Variants in ODR4 observed in about 807,000 individuals in gnomAD.
The protein encoded by ODR4 is odr-4 GPCR localization factor homolog.
Under a neutral mutation model 60.2 loss-of-function variants are expected in ODR4, and 47 were observed. That is an observed-to-expected ratio of 0.78 (90% CI 0.62 to 1.00). ODR4 has a LOEUF of 1.00. ODR4 is among the 50% of genes least tolerant of loss of function. The pLI, the probability that ODR4 is intolerant of heterozygous loss-of-function variation, is 0.00. For missense variants in ODR4, 488 were observed against 530.8 expected, an observed-to-expected ratio of 0.92 and a Z score of 0.79; for synonymous variants, 178 against 175.5, an observed-to-expected ratio of 1.01 and a Z score of -0.11.
chr1:186,378,180 T>G (rs1489568031), intron 1 of ODR4, among the ~76,000 whole-genome samples: 1 of 152,226 alleles, frequency 6.6e-6, no homozygotes, highest in Non-Finnish European at 1.5e-5. Context: ...GGCTTTAGTT[T>G]TAAAATGCAA....
In ODR4 at chr1:186,396,937, C is replaced by T. The variant is rs939252481; in HGVS notation, c.781-1376C>T. Among the ~76,000 whole-genome samples the T allele has an allele frequency of 9.2e-5, 14 of 152,012 alleles. No homozygotes were observed. The East Asian group carries it at 2.7e-3, about 29-fold the overall frequency. On this transcript the variant is annotated intron_variant, in intron 9 of 13. Transcript: ENST00000287859. ...GGAAGCCTGTTACTCCTCCTCCAAC[C>T]CCACCTTATTGATGTATCAATGAAC...
At chr1:186,413,782 C>T (rs1293169155) in intron 12 of ODR4, among the ~76,000 whole-genome samples, 1 of 152,140 alleles carries the variant, frequency 6.6e-6, no homozygotes, top group Non-Finnish European at 1.5e-5. Flanking sequence ...ATAGGAAGAA[C>T]ACAGGCTACT....
intron 12 of ODR4, among the ~76,000 whole-genome samples, chr1:186,411,001 G>A (rs538401546): frequency 6.7e-6 from 1 of 150,310 alleles, no homozygotes; most frequent in South Asian, 2.1e-4. Flanking sequence ...GGCAACAAGA[G>A]CAAAACTCTG....
intron 8 of ODR4, among the ~76,000 whole-genome samples, 171 bp from the exon 9 acceptor site, chr1:186,393,776 T>C (rs1246514464): frequency 6.6e-6 from 1 of 152,218 alleles, no homozygotes; most frequent in Non-Finnish European, 1.5e-5. Context: ...TTTTAAAGAG[T>C]GTACATTGAT....
At chr1:186,416,941 CTA>C (rs1050460233) in intron 12 of ODR4, among the ~76,000 whole-genome samples, 96 of 150,800 alleles carry the variant, frequency 6.4e-4, no homozygotes, top group African/African-American at 2.2e-3. Context: ...ATCTCTACTA[CTA>C]TATAGTAAAC....
intron 4 of ODR4, 92 bp downstream of exon 4, chr1:186,386,175 C>T (rs2102025792): frequency 1.5e-6 from 1 of 648,272 alleles, no homozygotes; most frequent in Admixed American, 4.1e-5. Flanking sequence ...GGCATATTTA[C>T]ATTTGTTTTC....
At chr1:186,391,568 A>G in intron 7 of ODR4, 128 bp from the exon 8 acceptor site, 1 of 651,978 alleles carries the variant, frequency 1.5e-6, no homozygotes, top group Non-Finnish European at 2.7e-6. Context: ...AACTAGATTT[A>G]AATGCTGCAG....
rs1261356919 is a variant in ODR4 at position 186,379,801 on chromosome 1, A to G, written c.16A>G (p.Ile6Val). 5 of 1,591,546 alleles carry G rather than the reference A, an allele frequency of 3.1e-6. No individual in the cohort carries two copies. In the East Asian group the frequency reaches 6.8e-5, roughly 21 times the overall value. MGRTYIVEETVGQYLS... is the reference protein window; with the variant it reads MGRTYVVEETVGQYLS... ...GTTCCTAAAAATGGGAAGAACCTACATTGTAGAAGAGACTGTTGGCCAGTA... is the reference window on the plus strand; with the variant it reads ...GTTCCTAAAAATGGGAAGAACCTACGTTGTAGAAGAGACTGTTGGCCAGTA... The change falls in exon 2 of 14, where the codon ATT becomes GTT. Residue 6 changes from isoleucine to valine, a missense_variant. Coordinates refer to ENST00000287859, the MANE Select transcript of ODR4 (RefSeq NM_017847.6).
At position 186,417,458 on chromosome 1, in the gene ODR4, A is replaced by G. The variant is rs61538055; in HGVS notation, c.1187-86A>G. On this transcript the variant is annotated intron_variant, in intron 12 of 13. Transcript: ENST00000287859. The stretch of plus-strand genomic sequence containing the variant: ...GTAGAAAGAAAATGGTGATGATCGT[A>G]TAGTTTTTTATAATGTTCTTTAAAG... 1,343 of 743,204 alleles carry G rather than the reference A, an allele frequency of 1.8e-3. 19 individuals are homozygous for G. The African/African-American group carries it at 0.022, about 12-fold the overall frequency. The allele number at this position is 743,204 out of a possible 1,614,324, so 46.0% of individuals were successfully genotyped here.
intron 5 of ODR4, among the ~76,000 whole-genome samples, chr1:186,389,255 CAG>C (rs2102032179): frequency 6.6e-6 from 1 of 151,682 alleles, no homozygotes; most frequent in African/African-American, 2.4e-5. Context: ...TCATATAAAA[CAG>C]TGGTACTTTT....
chr1:186,379,835 A>G lies in ODR4; in HGVS notation c.50A>G (p.Asn17Ser), dbSNP rs1261681912. 6.2e-7 allele frequency: 1 copy of G among 1,609,614 alleles called. No homozygotes were observed. Among genetic ancestry groups the G allele is most frequent in the African/African-American group, 1.3e-5 (1 of 74,634 alleles). ...GAGACTGTTGGCCAGTATCTTTCAA[A>G]CATAAATCTCCAAGGAAAGGCTTTT... ...VEETVGQYLS[N>S]INLQGKAFVS... is the part of the protein sequence containing the mutation. The change falls in exon 2 of 14, where the codon AAC (asparagine) becomes AGC (serine). Residue 17 changes from asparagine to serine, a missense_variant. By Grantham distance (46) the Asn-to-Ser change is conservative. Coordinates refer to ENST00000287859, the MANE Select transcript of ODR4 (RefSeq NM_017847.6).
intron 6 of ODR4, among the ~76,000 whole-genome samples, chr1:186,390,152 C>G (rs1660407954): frequency 6.6e-6 from 1 of 152,038 alleles, no homozygotes; most frequent in Non-Finnish European, 1.5e-5. Context: ...CTCCTCCTAC[C>G]TTGTTTGTGT....
rs1553237006 is a variant in ODR4, at chr1:186,402,226, C to CTTTCTTTCTT, written c.1000+3190_1000+3191insTTTTTCTTTC. On this transcript the variant is annotated intron_variant, in intron 11 of 13. Transcript: ENST00000287859. Reference sequence around the variant, plus strand: ...TCTTTCTTTCTTTCTTTCTTTCTTTCTTTCTTTCCTTTCTTTCTTTCTCTT... The same window carrying CTTTCTTTCTT: ...TCTTTCTTTCTTTCTTTCTTTCTTTCTTTCTTTCTTTTTCTTTCCTTTCTTTCTTTCTCTT... Among the ~76,000 whole-genome samples the CTTTCTTTCTT allele has an allele frequency of 4.0e-5, 6 of 149,380 alleles. No homozygotes were observed. In the East Asian group the frequency reaches 9.8e-4, roughly 25 times the overall value.
chr1:186,397,227 T>C (rs550701606), intron 9 of ODR4, among the ~76,000 whole-genome samples: 3 of 152,320 alleles, frequency 2.0e-5, no homozygotes, highest in Admixed American at 6.5e-5. Context: ...GTCAGTATTC[T>C]CCTCTTCATT....
At chr1:186,418,396 T>C (rs1224377514) in intron 13 of ODR4, among the ~76,000 whole-genome samples, 1 of 151,486 alleles carries the variant, frequency 6.6e-6, no homozygotes, top group Non-Finnish European at 1.5e-5. Flanking sequence ...GTTCACGCCA[T>C]TCTCCTGCCT....
chr1:186,429,492 C>T, the ODR4 span, among the ~76,000 whole-genome samples: 1 of 151,984 alleles, frequency 6.6e-6, no homozygotes, highest in Non-Finnish European at 1.5e-5. Flanking sequence ...GGAGAAAGAA[C>T]AGACAAAAGA....
In ODR4 at chr1:186,419,742, G is replaced by C. The variant is rs1164754355; in HGVS notation, c.*666G>C. 1.3e-5 allele frequency: 2 copies of C among 149,624 alleles called. No homozygotes were observed. Among genetic ancestry groups the C allele is most frequent in the Non-Finnish European group, 2.9e-5 (2 of 67,896 alleles). 9.3% of individuals were successfully genotyped at this position (149,624 alleles called of 1,614,324 possible). On this transcript the variant is annotated 3_prime_UTR_variant, in exon 14 of 14. Coordinates refer to ENST00000287859, the MANE Select transcript of ODR4 (RefSeq NM_017847.6). ...TACATAAGTAAATTTAAAAAAAAAA[G>C]AATAATAATTTGAACAGTGAATGTT...
Position 186,401,042 on chromosome 1 carries a change from G to T in ODR4, c.1000+1998G>T, listed in dbSNP as rs370259159. On this transcript the variant is annotated intron_variant, in intron 11 of 13. Transcript: ENST00000287859. ...TGCATTGCAGGTTTCAGGATTTGCAGGGTATGGGGATGTATCCACCATTAT... is the reference window on the plus strand; with the variant it reads ...TGCATTGCAGGTTTCAGGATTTGCATGGTATGGGGATGTATCCACCATTAT... 108 of 1,591,074 alleles carry T rather than the reference G, an allele frequency of 6.8e-5. No homozygotes were observed. The African/African-American group carries it at 1.1e-3, about 16-fold the overall frequency.
At chr1:186,394,547 T>G (rs1660598704) in intron 9 of ODR4, among the ~76,000 whole-genome samples, 1 of 152,314 alleles carries the variant, frequency 6.6e-6, no homozygotes, top group East Asian at 1.9e-4. Flanking sequence ...AGCCACTAAT[T>G]ATTCCTAAAA....
Sources: allele counts gnomAD v4.1 joint callset (sites outside exome capture counted in the v4.1 genomes callset), GRCh38; gene constraint gnomAD v4.1.1; transcripts MANE v1.5; gene names NCBI Gene and HGNC (gene_info 2026-07-23, HGNC 2026-07-21).